Variants in PACS1 observed in about 807,000 individuals in gnomAD.
The protein encoded by PACS1 is PACS-1.
In PACS1, 24 loss-of-function variants were observed where a neutral mutation model predicts 115.0. That is an observed-to-expected ratio of 0.21 (90% CI 0.15 to 0.29). The LOEUF (loss-of-function observed/expected upper bound fraction) is 0.29, where lower values mean the gene tolerates loss of function less well. Among genes scored for constraint, PACS1 ranks in the 10% least tolerant of loss-of-function variants. PACS1 has a pLI of 1.00. For missense variants in PACS1, 838 were observed against 1,251.2 expected (o/e 0.67, Z 4.98); for synonymous variants, 453 against 504.5 (o/e 0.90, Z 1.37).
At chr11:66,177,372 G>A (rs1481698849) in intron 1 of PACS1, among the ~76,000 whole-genome samples, 1 of 151,988 alleles carries the variant, frequency 6.6e-6, no homozygotes, top group Non-Finnish European at 1.5e-5. Context: ...TGTATTTTTA[G>A]TAGAGACGGG....
Position 66,236,677 on chromosome 11 carries a change from A to T in PACS1, c.2250+737A>T, listed in dbSNP as rs1408362318. 1.3e-5 allele frequency among the ~76,000 whole-genome samples: 2 copies of T among 152,272 alleles called. No individual in the cohort carries two copies. Among genetic ancestry groups the T allele is most frequent in the Admixed American group, 6.5e-5 (1 of 15,300 alleles). On this transcript the variant is annotated intron_variant, in intron 19 of 23. Transcript: ENST00000320580. The surrounding 1 kb of genome is among the most constrained non-coding windows in gnomAD (Gnocchi z 4.2). Reference sequence around the variant, plus strand: ...GTGCAGTCCTGCCAGAGGCCAGAGCATGGCACCGGAGCAGGACTGAAAACT... The same window carrying T: ...GTGCAGTCCTGCCAGAGGCCAGAGCTTGGCACCGGAGCAGGACTGAAAACT...
intron 1 of PACS1, among the ~76,000 whole-genome samples, chr11:66,140,983 A>G (rs1858968640): frequency 6.6e-6 from 1 of 152,146 alleles, no homozygotes; most frequent in Non-Finnish European, 1.5e-5. Flanking sequence ...ATCTTATTGT[A>G]TGGTTCTACC....
At chr11:66,163,360 A>G (rs1859533511) in intron 1 of PACS1, among the ~76,000 whole-genome samples, 1 of 151,918 alleles carries the variant, frequency 6.6e-6, no homozygotes, top group Non-Finnish European at 1.5e-5. Context: ...CAAAAAAAAA[A>G]AAAAAAAAAA....
chr11:66,178,370 T>C lies in PACS1; in HGVS notation c.357-15116T>C, dbSNP rs544612830. Reference sequence around the variant, plus strand: ...GTACTGGATGTGTTCTATTTTCTTATTTCTGTGTATAGCAGTAATTCTTTC... The same window carrying C: ...GTACTGGATGTGTTCTATTTTCTTACTTCTGTGTATAGCAGTAATTCTTTC... On this transcript the variant is annotated intron_variant, in intron 1 of 23. Transcript: ENST00000320580. Among the ~76,000 whole-genome samples, 3 of 152,334 alleles carry C rather than the reference T, an allele frequency of 2.0e-5. No homozygotes were observed. In the South Asian group the frequency reaches 6.2e-4, roughly 32 times the overall value.
chr11:66,111,478 A>T (rs1004008522), intron 1 of PACS1, among the ~76,000 whole-genome samples: 2 of 152,158 alleles, frequency 1.3e-5, no homozygotes, highest in East Asian at 1.9e-4. Flanking sequence ...TGACATCTGC[A>T]TTTGGATATT....
intron 2 of PACS1, among the ~76,000 whole-genome samples, chr11:66,201,403 G>A (rs1854791365): frequency 6.6e-6 from 1 of 152,032 alleles, no homozygotes; most frequent in South Asian, 2.1e-4. Context: ...TGAAGCAAAT[G>A]ATAATGGAAA....
chr11:66,221,865 C>T (rs1227051848), intron 10 of PACS1, among the ~76,000 whole-genome samples: 1 of 152,106 alleles, frequency 6.6e-6, no homozygotes, highest in Non-Finnish European at 1.5e-5. Context: ...TCTATAATCC[C>T]AGCTCTTTGG....
At chr11:66,079,238 A>G (rs889112307) in intron 1 of PACS1, among the ~76,000 whole-genome samples, 4 of 144,868 alleles carry the variant, frequency 2.8e-5, no homozygotes, top group Non-Finnish European at 6.0e-5. Flanking sequence ...GAGTATGTGC[A>G]CTTCTGTATC....
chr11:66,223,395 A>AT (rs35595274), intron 10 of PACS1, among the ~76,000 whole-genome samples: 13 of 148,082 alleles, frequency 8.8e-5, no homozygotes, highest in South Asian at 6.4e-4. Context: ...TGCCCGGCCT[A>AT]TTTTTTTTTT....
intron 1 of PACS1, among the ~76,000 whole-genome samples, chr11:66,132,654 C>T (rs946736444): frequency 4.6e-5 from 7 of 151,952 alleles, no homozygotes; most frequent in African/African-American, 1.4e-4. Flanking sequence ...GCCTTTTTTT[C>T]CCCCTAAATA....
rs1316676732 is a variant in PACS1, at chr11:66,070,423, CGGGG to C, written c.-62_-59del. 8 of 1,041,394 alleles carry C rather than the reference CGGGG, an allele frequency of 7.7e-6. No homozygotes were observed. The highest frequency in any genetic ancestry group is 9.7e-6 in the Non-Finnish European group (8 of 823,586). The allele number at this position is 1,041,394 out of a possible 1,614,324, so 64.5% of individuals were successfully genotyped here. Reference sequence around the variant, plus strand: ...TGCCGCGCCCCCGCCGCCGCCGCCGCGGGGGAAGCCTGGGAGCCAGATCGGCGTC... The same window carrying C: ...TGCCGCGCCCCCGCCGCCGCCGCCGCGAAGCCTGGGAGCCAGATCGGCGTC... On this transcript the variant is annotated 5_prime_UTR_variant, in exon 1 of 24. Transcript: ENST00000320580. The surrounding 1 kb of genome is among the most constrained non-coding windows in gnomAD (Gnocchi z 5.9).
intron 1 of PACS1, among the ~76,000 whole-genome samples, chr11:66,117,918 C>T (rs1858341679): frequency 6.6e-6 from 1 of 152,086 alleles, no homozygotes; most frequent in South Asian, 2.1e-4. Context: ...GTAGACTTTC[C>T]ACATATCTCC....
intron 1 of PACS1, among the ~76,000 whole-genome samples, chr11:66,101,353 A>G (rs1857917176): frequency 6.6e-6 from 1 of 152,230 alleles, no homozygotes; most frequent in African/African-American, 2.4e-5. Flanking sequence ...ATGTATATAC[A>G]CATACATACA....
At chr11:66,238,468 T>G in intron 19 of PACS1, 1 of 364,046 alleles carries the variant, frequency 2.7e-6, no homozygotes, top group South Asian at 6.6e-5. Flanking sequence ...CTGCTCCAGA[T>G]TTGCAAAGAT....
chr11:66,100,653 T>G (rs1324783460), intron 1 of PACS1: 1 of 355,616 alleles, frequency 2.8e-6, no homozygotes, highest in African/African-American at 2.1e-5. Flanking sequence ...AACTGCACTT[T>G]GGGCAGAGTT....
intron 1 of PACS1, among the ~76,000 whole-genome samples, chr11:66,075,441 T>C (rs955699767): frequency 6.6e-6 from 1 of 151,978 alleles, no homozygotes; most frequent in African/African-American, 2.4e-5. Flanking sequence ...GGGGTCTTGC[T>C]GTGTTGCCCA....
chr11:66,096,209 CT>C (rs66569530), intron 1 of PACS1, among the ~76,000 whole-genome samples: 12,993 of 115,624 alleles, frequency 0.11, 407 homozygotes, highest in East Asian at 0.29. Context: ...CTTTTTCTTT[CT>C]TTTTTTTTTT....
chr11:66,152,991 C>G (rs980325977), intron 1 of PACS1, among the ~76,000 whole-genome samples: 5 of 152,110 alleles, frequency 3.3e-5, no homozygotes, highest in Non-Finnish European at 7.3e-5. Context: ...AAGAAGTTTT[C>G]AGAATGAAGG....
chr11:66,143,202 A>G lies in PACS1; in HGVS notation c.357-50284A>G, dbSNP rs1382594225. On this transcript the variant is annotated intron_variant, in intron 1 of 23. Transcript: ENST00000320580. ...ACCTTTTTGTAATCAATTCCGCCTT[A>G]TCAGTTAACTCTACTTGTAATGGAC... 3.9e-5 allele frequency among the ~76,000 whole-genome samples: 6 copies of G among 152,316 alleles called. No homozygotes were observed. The East Asian group carries it at 1.2e-3, about 29-fold the overall frequency.
Sources: allele counts gnomAD v4.1 joint callset (sites outside exome capture counted in the v4.1 genomes callset), GRCh38; gene constraint gnomAD v4.1.1; non-coding constraint Gnocchi (gnomAD v3.1); transcripts MANE v1.5; gene names NCBI Gene and HGNC (gene_info 2026-07-23, HGNC 2026-07-21).